SLC25A13: variants seen among roughly 807,000 people sequenced by gnomAD.
The protein encoded by SLC25A13 is electrogenic aspartate/glutamate antiporter SLC25A13, mitochondrial.
A neutral mutation model predicts 85.5 loss-of-function variants in SLC25A13; 70 were observed. The observed-to-expected ratio is 0.82, with a 90% confidence interval of 0.68 to 1.00. The LOEUF (loss-of-function observed/expected upper bound fraction) is 1.00, where lower values mean the gene tolerates loss of function less well. Among genes scored for constraint, SLC25A13 ranks in the 50% least tolerant of loss-of-function variants. The probability of loss-of-function intolerance (pLI) is 0.00; values close to 1 mark genes in which losing one functional copy is unlikely to be tolerated. For missense variants in SLC25A13, 765 were observed against 819.8 expected (o/e 0.93, Z 0.82); for synonymous variants, 259 against 288.7 (o/e 0.90, Z 1.04).
intron 13 of SLC25A13, among the ~76,000 whole-genome samples, chr7:96,154,292 G>GCCT (rs2116511567): frequency 7.0e-6 from 1 of 142,078 alleles, no homozygotes; most frequent in African/African-American, 2.7e-5. Flanking sequence ...GTCACTGAGT[G>GCCT]TCTTTTTTTT....
At chr7:96,147,381 C>T (rs1792851708) in intron 13 of SLC25A13, among the ~76,000 whole-genome samples, 1 of 152,122 alleles carries the variant, frequency 6.6e-6, no homozygotes, top group African/African-American at 2.4e-5. Flanking sequence ...CAAAAATATG[C>T]ACTAAGTCAA....
At chr7:96,169,931 C>T (rs900553756) in intron 13 of SLC25A13, 114 bp downstream of exon 13, 1 of 1,074,662 alleles carries the variant, frequency 9.3e-7, no homozygotes. Flanking sequence ...TAGACTCTGC[C>T]CTTGTGCAGG....
intron 1 of SLC25A13, among the ~76,000 whole-genome samples, chr7:96,321,267 CTG>C (rs1800327221): frequency 6.6e-6 from 1 of 152,180 alleles, no homozygotes; most frequent in Non-Finnish European, 1.5e-5. Context: ...CCAGGACAAT[CTG>C]TTTCATCGTT....
At chr7:96,189,210 C>A in intron 9 of SLC25A13, 84 bp downstream of exon 9, 2 of 1,174,304 alleles carry the variant, frequency 1.7e-6, no homozygotes, top group South Asian at 1.3e-5. Context: ...GATACCAATG[C>A]CGCAAAGGCA....
chr7:96,127,605 T>A (rs560518059), intron 15 of SLC25A13, among the ~76,000 whole-genome samples: 3 of 152,330 alleles, frequency 2.0e-5, no homozygotes, highest in African/African-American at 7.2e-5. Flanking sequence ...GAAATTATTA[T>A]CTAAACATAG....
chr7:96,298,590 T>A (rs1323057310), intron 1 of SLC25A13, among the ~76,000 whole-genome samples: 3 of 152,116 alleles, frequency 2.0e-5, no homozygotes, highest in Non-Finnish European at 4.4e-5. Context: ...TGCACCACCA[T>A]GCCCGGCTAA....
At chr7:96,217,437 G>A (rs376684724) in intron 4 of SLC25A13, among the ~76,000 whole-genome samples, 2 of 152,140 alleles carry the variant, frequency 1.3e-5, no homozygotes, top group East Asian at 3.8e-4. Context: ...ATACATGAAT[G>A]TTCACAGCAA....
At chr7:96,249,962 T>C (rs1047693846) in intron 3 of SLC25A13, among the ~76,000 whole-genome samples, 1 of 150,014 alleles carries the variant, frequency 6.7e-6, no homozygotes, top group Non-Finnish European at 1.5e-5. Context: ...GGCGGGCGGA[T>C]CATCTGAGAT....
intron 13 of SLC25A13, among the ~76,000 whole-genome samples, chr7:96,165,269 C>T (rs1312106351): frequency 1.3e-5 from 2 of 152,118 alleles, no homozygotes; most frequent in African/African-American, 2.4e-5. Context: ...GATGGGAAGG[C>T]AGGCTGATAG....
At chr7:96,291,494 G>A (rs189010473) in intron 2 of SLC25A13, among the ~76,000 whole-genome samples, 40 of 152,216 alleles carry the variant, frequency 2.6e-4, no homozygotes, top group African/African-American at 8.2e-4. Flanking sequence ...CCAGGAGCTG[G>A]TTTTTTGAAA....
chr7:96,297,005 G>T, intron 1 of SLC25A13, 54 bp from the exon 2 acceptor site: 1 of 1,449,018 alleles, frequency 6.9e-7, no homozygotes, highest in Non-Finnish European at 9.7e-7. Context: ...GAGAAATCAA[G>T]CTAGCCGACT....
chr7:96,238,462 T>C (rs923459569), intron 3 of SLC25A13, among the ~76,000 whole-genome samples: 10 of 152,002 alleles, frequency 6.6e-5, no homozygotes, highest in Admixed American at 2.0e-4. Context: ...GAAACTAATA[T>C]AGAGGCCAAG....
chr7:96,264,442 C>T (rs1797971380), intron 3 of SLC25A13, among the ~76,000 whole-genome samples: 2 of 149,960 alleles, frequency 1.3e-5, no homozygotes, highest in Non-Finnish European at 3.0e-5. Context: ...CAACCTGTCC[C>T]CAAATCTCAC....
At chr7:96,196,019 C>G (rs1795047758) in intron 5 of SLC25A13, among the ~76,000 whole-genome samples, 1 of 152,156 alleles carries the variant, frequency 6.6e-6, no homozygotes, top group Non-Finnish European at 1.5e-5. Context: ...TTTATACATG[C>G]AGCTCAGCAG....
chr7:96,222,321 C>T (rs546402557), intron 4 of SLC25A13, among the ~76,000 whole-genome samples: 32 of 152,332 alleles, frequency 2.1e-4, no homozygotes, highest in African/African-American at 7.7e-4. Flanking sequence ...CGAGCCAGCC[C>T]AGGCCTCCCA....
At chr7:96,286,778 A>C (rs1798906903) in intron 2 of SLC25A13, among the ~76,000 whole-genome samples, 5 of 152,152 alleles carry the variant, frequency 3.3e-5, no homozygotes, top group Admixed American at 2.6e-4. Context: ...CTAAATTCTC[A>C]AACAAATGAA....
intron 3 of SLC25A13, among the ~76,000 whole-genome samples, chr7:96,260,795 C>T (rs1391772096): frequency 6.6e-6 from 1 of 152,108 alleles, no homozygotes. Context: ...CAGATTACTG[C>T]AGCACAGTCC....
chr7:96,220,112 ATTG>A lies in SLC25A13; in HGVS notation c.329-11138_329-11136del, dbSNP rs201938647. Reference sequence around the variant, plus strand: ...TTTAATCATCTGCTGTGTGTTAATTATTGTTAACTTTCATTACCACTAGAGAAT... The same window carrying A: ...TTTAATCATCTGCTGTGTGTTAATTATTAACTTTCATTACCACTAGAGAAT... On this transcript the variant is annotated intron_variant, in intron 4 of 17. Coordinates refer to ENST00000265631, the MANE Select transcript of SLC25A13 (RefSeq NM_014251.3). Among the ~76,000 whole-genome samples the A allele has an allele frequency of 7.5e-3, 1,142 of 152,306 alleles. 9 individuals are homozygous for A. The highest frequency in any genetic ancestry group is 0.025 in the African/African-American group (1,054 of 41,578).
chr7:96,276,801 G>A (rs1386296076), intron 3 of SLC25A13, among the ~76,000 whole-genome samples: 1 of 152,132 alleles, frequency 6.6e-6, no homozygotes, highest in Non-Finnish European at 1.5e-5. Flanking sequence ...AATTTTTAAA[G>A]GCGATTTGCT....
Sources: allele counts gnomAD v4.1 joint callset (sites outside exome capture counted in the v4.1 genomes callset), GRCh38; gene constraint gnomAD v4.1.1; transcripts MANE v1.5; gene names NCBI Gene and HGNC (gene_info 2026-07-23, HGNC 2026-07-21).